Variants in GREB1L observed in about 807,000 individuals in gnomAD.
GREB1L encodes the protein GREB1-like protein.
Under a neutral mutation model 200.8 loss-of-function variants are expected in GREB1L, and 17 were observed. The observed-to-expected ratio is 0.08, with a 90% CI of 0.06 to 0.13. The LOEUF (loss-of-function observed/expected upper bound fraction) is 0.13, where lower values mean the gene tolerates loss of function less well. GREB1L is among the 10% of genes least tolerant of loss of function. The pLI is 1.00. For synonymous variants in GREB1L, 789 were observed against 893.0 expected, an observed-to-expected ratio of 0.88 and a Z score of 2.08; for missense variants, 1,657 against 2,367.7, an observed-to-expected ratio of 0.70 and a Z score of 6.23.
At position 21,395,551 on chromosome 18, in the gene GREB1L, T is replaced by C. The variant is rs951217157; in HGVS notation, c.522T>C (p.Asn174=). The change falls in exon 5 of 33, where the codon AAT becomes AAC. Residue 174 remains asparagine, a synonymous_variant. Transcript: ENST00000424526. The part of the protein sequence containing the change: ...KRFLPDDHGK[N]ALLGFSGNCI... ...TTCTACCAGATGATCATGGAAAAAA[T>C]GCACTTTTAGGTGAGTGTTTCATGC... The C allele has an allele frequency of 2.6e-6, 4 of 1,549,326 alleles. No individual in the cohort carries two copies. In the African/African-American group the frequency reaches 4.1e-5, roughly 16 times the overall value.
chr18:21,369,311 A>G (rs1037833998), intron 2 of GREB1L, among the ~76,000 whole-genome samples: 1 of 152,140 alleles, frequency 6.6e-6, no homozygotes, highest in Non-Finnish European at 1.5e-5. Flanking sequence ...GTTCTGGATT[A>G]TTGACTGTTC....
chr18:21,349,796 C>T (rs1007705781), intron 1 of GREB1L, among the ~76,000 whole-genome samples: 25 of 151,932 alleles, frequency 1.6e-4, no homozygotes, highest in African/African-American at 5.3e-4. Flanking sequence ...TATTATGGTG[C>T]ATTGTATAAT....
intron 15 of GREB1L, among the ~76,000 whole-genome samples, chr18:21,464,276 T>C (rs2035175633): frequency 6.6e-6 from 1 of 152,062 alleles, no homozygotes; most frequent in African/African-American, 2.4e-5. Context: ...ACGCCTGTAA[T>C]CCCAGCACTT....
At position 21,441,422 on chromosome 18, in the gene GREB1L, T is replaced by C; in HGVS notation, c.1092T>C (p.Val364=). The change falls in exon 10 of 33, where the codon GTT becomes GTC. Residue 364 remains valine (V), a synonymous_variant. Transcript: ENST00000424526. ...CAGAGCCCCTTTTATCTGCCCCAGTTCCACAGACCCCACTAACTGGAATTT... is the reference window on the plus strand; with the variant it reads ...CAGAGCCCCTTTTATCTGCCCCAGTCCCACAGACCCCACTAACTGGAATTT... ...SRTEPLLSAP[V]PQTPLTGILQ... is the part of the protein sequence containing the mutation. The C allele has an allele frequency of 6.5e-7, 1 of 1,547,140 alleles. No homozygotes were observed. The highest frequency in any genetic ancestry group is 8.7e-7 in the Non-Finnish European group (1 of 1,145,758).
chr18:21,330,724 G>C (rs1465769672), intron 1 of GREB1L, among the ~76,000 whole-genome samples: 3 of 151,828 alleles, frequency 2.0e-5, no homozygotes, highest in Non-Finnish European at 4.4e-5. Flanking sequence ...AACTTTACTA[G>C]AATGAGTCTG....
chr18:21,269,204 T>C (rs1438701651), intron 1 of GREB1L, among the ~76,000 whole-genome samples: 1 of 152,182 alleles, frequency 6.6e-6, no homozygotes. Flanking sequence ...ATGTCTGTTT[T>C]ACTGATGGAG....
intron 7 of GREB1L, among the ~76,000 whole-genome samples, chr18:21,412,310 A>C (rs1209499843): frequency 6.6e-6 from 1 of 151,722 alleles, no homozygotes; most frequent in South Asian, 2.1e-4. Context: ...TTATTTGGGG[A>C]GCTGAGGCAG....
At chr18:21,277,510 C>T (rs1235199095) in intron 1 of GREB1L, among the ~76,000 whole-genome samples, 2 of 152,166 alleles carry the variant, frequency 1.3e-5, no homozygotes, top group Non-Finnish European at 2.9e-5. Context: ...ATTTTCCTGC[C>T]TCTTAAGTAG....
intron 1 of GREB1L, among the ~76,000 whole-genome samples, chr18:21,247,039 T>C (rs1049130098): frequency 6.6e-6 from 1 of 152,178 alleles, no homozygotes; most frequent in African/African-American, 2.4e-5. Context: ...ATCCCTGATA[T>C]TTTTGGCAAA....
At chr18:21,322,632 G>A (rs540117733) in intron 1 of GREB1L, among the ~76,000 whole-genome samples, 13 of 152,244 alleles carry the variant, frequency 8.5e-5, no homozygotes, top group Middle Eastern at 3.4e-3. Context: ...AACAGTAGTA[G>A]TGTATAGAGA....
At chr18:21,466,158 A>G (rs567013651) in intron 15 of GREB1L, among the ~76,000 whole-genome samples, 3 of 152,124 alleles carry the variant, frequency 2.0e-5, no homozygotes, top group Non-Finnish European at 2.9e-5. Context: ...GTATTCTTTT[A>G]TATAAATACA....
chr18:21,343,486 A>G (rs1479754274), intron 1 of GREB1L, among the ~76,000 whole-genome samples: 1 of 152,142 alleles, frequency 6.6e-6, no homozygotes, highest in East Asian at 1.9e-4. Context: ...AGGTCTCCCA[A>G]AGGTCATGGA....
At chr18:21,342,975 A>G (rs2039289858) in intron 1 of GREB1L, among the ~76,000 whole-genome samples, 1 of 152,156 alleles carries the variant, frequency 6.6e-6, no homozygotes, top group African/African-American at 2.4e-5. Flanking sequence ...AATTTAACCA[A>G]TTGGCATTTT....
chr18:21,333,203 T>C (rs7243699), intron 1 of GREB1L, among the ~76,000 whole-genome samples: 19,421 of 152,192 alleles, frequency 0.13, 2,528 homozygotes, highest in African/African-American at 0.32. Context: ...GATGTATTAC[T>C]ATACATGCAC....
At chr18:21,460,512 A>T (rs1412425435) in intron 15 of GREB1L, among the ~76,000 whole-genome samples, 1 of 151,738 alleles carries the variant, frequency 6.6e-6, no homozygotes, top group African/African-American at 2.4e-5. Flanking sequence ...CACCTGGCTA[A>T]TTTTTTTTAT....
chr18:21,393,475 T>A (rs1474389238), intron 4 of GREB1L, among the ~76,000 whole-genome samples: 3 of 150,952 alleles, frequency 2.0e-5, no homozygotes, highest in Non-Finnish European at 4.4e-5. Context: ...TTGTTGTTGT[T>A]GTTGTTTGTT....
chr18:21,302,552 CAGA>C (rs2038634255), intron 1 of GREB1L, among the ~76,000 whole-genome samples: 1 of 152,142 alleles, frequency 6.6e-6, no homozygotes, highest in Non-Finnish European at 1.5e-5. Flanking sequence ...AGGGTTAAAG[CAGA>C]AGGACTTCCT....
At chr18:21,360,591 A>G (rs2039568239) in intron 1 of GREB1L, among the ~76,000 whole-genome samples, 1 of 152,252 alleles carries the variant, frequency 6.6e-6, no homozygotes, top group Non-Finnish European at 1.5e-5. Flanking sequence ...TTATGAATTT[A>G]GTGAAATAGC....
chr18:21,309,954 T>G (rs1296457224), intron 1 of GREB1L, among the ~76,000 whole-genome samples: 2 of 152,104 alleles, frequency 1.3e-5, no homozygotes, highest in African/African-American at 4.8e-5. Flanking sequence ...TCTCAATAGT[T>G]CTAAGGTTGA....
Sources: gnomAD v4.1 joint callset for allele counts (sites outside exome capture counted in the v4.1 genomes callset) on GRCh38, gnomAD v4.1.1 for gene constraint, MANE v1.5 for transcripts, NCBI Gene and HGNC (gene_info 2026-07-23, HGNC 2026-07-21) for gene names.